Variants in ST7 observed in about 807,000 individuals in gnomAD.
ST7 encodes the protein suppression of tumorigenicity 7.
A neutral mutation model predicts 78.7 loss-of-function variants in ST7; 28 were observed. The observed-to-expected ratio is 0.36, with a 90% CI of 0.26 to 0.49. ST7 has a LOEUF of 0.49. Ranked by LOEUF, ST7 falls within the 20% of genes least tolerant of loss-of-function variation. ST7 has a pLI of 0.99. For synonymous variants in ST7, 247 were observed against 249.6 expected, an observed-to-expected ratio of 0.99 and a Z score of 0.10; for missense variants, 418 against 696.0, an observed-to-expected ratio of 0.60 and a Z score of 4.49.
intron 3 of ST7, among the ~76,000 whole-genome samples, chr7:117,122,858 G>A (rs147490261): frequency 2.7e-3 from 405 of 152,192 alleles, no homozygotes; most frequent in African/African-American, 8.9e-3. Context: ...AATACTAAAA[G>A]GGTACATTAG....
At chr7:117,017,710 A>G (rs899149572) in intron 1 of ST7, among the ~76,000 whole-genome samples, 1 of 152,140 alleles carries the variant, frequency 6.6e-6, no homozygotes, top group Non-Finnish European at 1.5e-5. Flanking sequence ...TCTTTAGACA[A>G]CATATTAAAC....
At chr7:116,959,326 A>T (rs1359235535) in intron 1 of ST7, 1 of 465,624 alleles carries the variant, frequency 2.1e-6, no homozygotes, top group East Asian at 7.0e-5. Context: ...GCATGCCTGC[A>T]GTTACTTTAT....
intron 12 of ST7, among the ~76,000 whole-genome samples, chr7:117,193,374 G>A (rs1036238233): frequency 1.3e-5 from 2 of 152,160 alleles, no homozygotes; most frequent in Admixed American, 1.3e-4. Context: ...GAATGTTAAT[G>A]TGCCAAGCAC....
chr7:117,019,169 A>C (rs1795757596), intron 1 of ST7, among the ~76,000 whole-genome samples: 1 of 152,194 alleles, frequency 6.6e-6, no homozygotes, highest in Non-Finnish European at 1.5e-5. Context: ...GGTGGAGAGG[A>C]GACTTGAACT....
At chr7:117,018,210 G>A (rs1426671969) in intron 1 of ST7, among the ~76,000 whole-genome samples, 10 of 151,972 alleles carry the variant, frequency 6.6e-5, no homozygotes, top group African/African-American at 1.9e-4. Context: ...CCTTTCTGAC[G>A]GCCACATCCA....
intron 2 of ST7, among the ~76,000 whole-genome samples, chr7:117,106,184 G>C (rs1242567537): frequency 6.6e-6 from 1 of 151,928 alleles, no homozygotes; most frequent in African/African-American, 2.4e-5. Flanking sequence ...ATTTTTAGTA[G>C]AGACGGGGTT....
At chr7:117,074,764 A>G (rs1350453223) in intron 1 of ST7, 2 of 152,210 alleles carry the variant, frequency 1.3e-5, no homozygotes, top group African/African-American at 4.8e-5. Context: ...TTCTATTTAG[A>G]ACCCCTGCAA....
At position 116,998,373 on chromosome 7, in the gene ST7, C is replaced by T. The variant is rs146916577; in HGVS notation, c.151+44682C>T. On this transcript the variant is annotated intron_variant, in intron 1 of 15. Transcript: ENST00000323984. ...TGTGCAGCCCTGGTTCCTGCCTGCA[C>T]CTCTCCCTCCACACCTCCCCGCAAG... Among the ~76,000 whole-genome samples the T allele has an allele frequency of 9.1e-3, 1,390 of 152,340 alleles. 30 individuals carry two copies. Among genetic ancestry groups the T allele is most frequent in the African/African-American group, 0.032 (1,327 of 41,578 alleles).
intron 1 of ST7, among the ~76,000 whole-genome samples, chr7:117,052,729 C>T (rs1226743758): frequency 6.6e-6 from 1 of 152,178 alleles, no homozygotes; most frequent in Non-Finnish European, 1.5e-5. Flanking sequence ...CCCGTCTCTA[C>T]TAAAAATACA....
At chr7:117,089,256 A>G (rs1800400331) in intron 1 of ST7, among the ~76,000 whole-genome samples, 2 of 152,362 alleles carry the variant, frequency 1.3e-5, no homozygotes, top group East Asian at 1.9e-4. Flanking sequence ...AACTATGTAT[A>G]TATCATATAT....
intron 10 of ST7, among the ~76,000 whole-genome samples, chr7:117,180,446 C>A (rs1808662401): frequency 6.6e-6 from 1 of 152,124 alleles, no homozygotes; most frequent in South Asian, 2.1e-4. Context: ...GTTGATACTT[C>A]AGTTACTACT....
intron 1 of ST7, among the ~76,000 whole-genome samples, chr7:117,069,055 G>C (rs1055203942): frequency 3.9e-5 from 6 of 152,228 alleles, no homozygotes; most frequent in Non-Finnish European, 5.9e-5. Context: ...TCACTCTGCT[G>C]CATTTTGCTC....
chr7:117,169,719 A>G (rs1024957387), intron 9 of ST7, among the ~76,000 whole-genome samples: 1 of 151,698 alleles, frequency 6.6e-6, no homozygotes, highest in Non-Finnish European at 1.5e-5. Context: ...GGCCACCGCT[A>G]GGTAAAACTT....
In ST7 at chr7:117,109,572, A is replaced by T. The variant is rs77441026; in HGVS notation, c.234+9728A>T. Reference sequence around the variant, plus strand: ...TAATTAAAAAGTTACCAACAAAAAAAAGTCCAGGACCAGATAGACTCACAG... The same window carrying T: ...TAATTAAAAAGTTACCAACAAAAAATAGTCCAGGACCAGATAGACTCACAG... On this transcript the variant is annotated intron_variant, in intron 2 of 15. Transcript: ENST00000323984. Among the ~76,000 whole-genome samples, 382 of 152,314 alleles carry T rather than the reference A, an allele frequency of 2.5e-3. 1 individual carries two copies. Among genetic ancestry groups the T allele is most frequent in the African/African-American group, 8.6e-3 (358 of 41,578 alleles).
intron 1 of ST7, among the ~76,000 whole-genome samples, chr7:117,097,908 A>ATATATATATATATATTTTTT: frequency 1.0e-4 from 3 of 30,012 alleles, no homozygotes; most frequent in African/African-American, 3.2e-4. Flanking sequence ...ATATATATAT[A>ATATATATATATATATTTTTT]TTTTTTTTTT....
chr7:116,997,695 T>C (rs140049151), intron 1 of ST7, among the ~76,000 whole-genome samples: 3,655 of 151,160 alleles, frequency 0.024, 159 homozygotes, highest in African/African-American at 0.083. Context: ...AGGGTGCTGA[T>C]TGGTGTGTTT....
chr7:117,211,975 T>C (rs1281801053), intron 13 of ST7, among the ~76,000 whole-genome samples: 2 of 152,106 alleles, frequency 1.3e-5, no homozygotes, highest in African/African-American at 4.8e-5. Context: ...GAAAGGAAAA[T>C]TCTGCAGTTG....
At chr7:117,199,296 C>T (rs1392349405) in intron 12 of ST7, among the ~76,000 whole-genome samples, 2 of 152,060 alleles carry the variant, frequency 1.3e-5, no homozygotes, top group Non-Finnish European at 2.9e-5. Context: ...GGTTTTTTGT[C>T]TCCCAGCCTG....
At chr7:116,953,738 C>G in intron 1 of ST7, 47 bp downstream of exon 1, 1 of 1,337,010 alleles carries the variant, frequency 7.5e-7, no homozygotes, top group Non-Finnish European at 9.8e-7. Flanking sequence ...TCCCCCGCCC[C>G]GGAAAGTTAG....
Sources: gnomAD v4.1 joint callset for allele counts (sites outside exome capture counted in the v4.1 genomes callset) on GRCh38, gnomAD v4.1.1 for gene constraint, MANE v1.5 for transcripts, NCBI Gene and HGNC (gene_info 2026-07-23, HGNC 2026-07-21) for gene names.